Variants in GPBP1L1 observed in about 807,000 individuals in gnomAD.
GPBP1L1 encodes the protein vasculin-like protein 1.
In GPBP1L1, 23 loss-of-function variants were observed where a neutral mutation model predicts 52.5. The ratio of observed to expected loss-of-function variants is 0.44; its 90% CI spans 0.32 to 0.62. GPBP1L1 has a LOEUF of 0.62. Ranked by LOEUF, GPBP1L1 falls within the 20% of genes least tolerant of loss-of-function variation. The pLI, the probability that GPBP1L1 is intolerant of heterozygous loss-of-function variation, is 0.06. For synonymous variants in GPBP1L1, 243 were observed against 203.1 expected (o/e 1.20, Z -1.67); for missense variants, 596 against 579.3 (o/e 1.03, Z -0.30).
chr1:45,653,077 C>A (rs1414850447), intron 6 of GPBP1L1, among the ~76,000 whole-genome samples: 1 of 152,182 alleles, frequency 6.6e-6, no homozygotes, highest in African/African-American at 2.4e-5. Context: ...AGAACACTCA[C>A]CTGGGAATAG....
intron 1 of GPBP1L1, 124 bp from the exon 2 acceptor site, chr1:45,685,744 T>G (rs1383799659): frequency 6.6e-6 from 1 of 152,200 alleles, no homozygotes; most frequent in African/African-American, 2.4e-5. Context: ...CTACAGCCAT[T>G]TTGGATTCAG....
chr1:45,629,561 A>T lies in GPBP1L1; in HGVS notation c.1272+15T>A. ...GGTTACTAACTGGTCTCTAGGAAGA[A>T]GGTTTACAACATACCTGCTCTGTCT... On this transcript the variant is annotated intron_variant, in intron 12 of 12. Transcript: ENST00000355105. 13 of 1,516,878 alleles carry T rather than the reference A, an allele frequency of 8.6e-6. No homozygotes were observed. Among genetic ancestry groups the T allele is most frequent in the Non-Finnish European group, 1.2e-5 (13 of 1,094,066 alleles). The allele number at this position is 1,516,878 out of a possible 1,614,324, so 94.0% of individuals were successfully genotyped here. A position where few individuals can be genotyped will look rare whatever the true frequency, so the allele number is the denominator to read the frequency against.
At chr1:45,646,446 TTCAAG>T (rs1644746761) in intron 6 of GPBP1L1, among the ~76,000 whole-genome samples, 1 of 152,242 alleles carries the variant, frequency 6.6e-6, no homozygotes, top group South Asian at 2.1e-4. Context: ...TCTTTTTTTG[TTCAAG>T]TCTAGTATTT....
At chr1:45,654,487 A>C (rs962156257) in intron 6 of GPBP1L1, 56 bp downstream of exon 6, 1 of 1,453,350 alleles carries the variant, frequency 6.9e-7, no homozygotes, top group Non-Finnish European at 9.4e-7. Context: ...ACAGGGTCTC[A>C]TATTTCAGAC....
intron 8 of GPBP1L1, among the ~76,000 whole-genome samples, chr1:45,638,316 G>A (rs1048392686): frequency 6.6e-6 from 1 of 152,070 alleles, no homozygotes; most frequent in Admixed American, 6.5e-5. Context: ...AGGTTAAAAG[G>A]TGCCACTACC....
chr1:45,652,409 C>T (rs1644829334), intron 6 of GPBP1L1, among the ~76,000 whole-genome samples: 1 of 152,134 alleles, frequency 6.6e-6, no homozygotes, highest in South Asian at 2.1e-4. Flanking sequence ...AGTTTCTAAT[C>T]AAACTATGCT....
At chr1:45,665,604 G>A (rs1015182944) in intron 2 of GPBP1L1, among the ~76,000 whole-genome samples, 6 of 151,776 alleles carry the variant, frequency 4.0e-5, no homozygotes, top group Admixed American at 2.0e-4. Context: ...AGCCGGGTGT[G>A]GTGGTGCATG....
chr1:45,631,089 T>TA (rs57585739), intron 10 of GPBP1L1, among the ~76,000 whole-genome samples: 147 of 143,406 alleles, frequency 1.0e-3, no homozygotes, highest in African/African-American at 1.8e-3. Context: ...ACAGCCACAC[T>TA]AAAAAAAAAA....
intron 11 of GPBP1L1, 106 bp from the exon 12 acceptor site, chr1:45,629,784 T>C: frequency 2.2e-5 from 16 of 727,136 alleles, no homozygotes; most frequent in Non-Finnish European, 1.2e-5. Context: ...GCAATGGATG[T>C]TAAAGAAGGA....
intron 2 of GPBP1L1, among the ~76,000 whole-genome samples, chr1:45,673,216 G>A (rs953244986): frequency 1.1e-4 from 17 of 152,164 alleles, no homozygotes; most frequent in Admixed American, 8.5e-4. Context: ...GGGTACTAAT[G>A]CAATGAGAGC....
At chr1:45,671,060 C>G (rs1188380688) in intron 2 of GPBP1L1, among the ~76,000 whole-genome samples, 1 of 152,090 alleles carries the variant, frequency 6.6e-6, no homozygotes, top group African/African-American at 2.4e-5. Flanking sequence ...TCCCAAAGTG[C>G]TGGGATTACA....
At chr1:45,652,575 T>A (rs183709303) in intron 6 of GPBP1L1, among the ~76,000 whole-genome samples, 2 of 152,318 alleles carry the variant, frequency 1.3e-5, no homozygotes, top group Admixed American at 1.3e-4. Context: ...ATATGCACAG[T>A]TGGCTATGGT....
At chr1:45,671,030 G>C (rs1307868210) in intron 2 of GPBP1L1, among the ~76,000 whole-genome samples, 1 of 151,842 alleles carries the variant, frequency 6.6e-6, no homozygotes, top group Admixed American at 6.6e-5. Context: ...CTGACCTCAA[G>C]TGATCCGCCC....
At chr1:45,681,599 G>GGT (rs1645212953) in intron 2 of GPBP1L1, among the ~76,000 whole-genome samples, 1 of 152,066 alleles carries the variant, frequency 6.6e-6, no homozygotes, top group Non-Finnish European at 1.5e-5. Context: ...TCACTGGATT[G>GGT]GTGTGTTAAA....
chr1:45,654,915 G>A (rs988796573), intron 5 of GPBP1L1, 86 bp from the exon 6 acceptor site: 12 of 1,310,024 alleles, frequency 9.2e-6, no homozygotes, highest in African/African-American at 9.0e-5. Flanking sequence ...AGGAGACCTC[G>A]TTAATAAAAA....
chr1:45,665,101 C>T (rs1468955128), intron 2 of GPBP1L1, among the ~76,000 whole-genome samples: 1 of 151,896 alleles, frequency 6.6e-6, no homozygotes, highest in Non-Finnish European at 1.5e-5. Flanking sequence ...CCAGCCTGGC[C>T]AATATGGTGA....
chr1:45,628,472 G>C, intron 12 of GPBP1L1, 64 bp from the exon 13 acceptor site: 1 of 1,517,260 alleles, frequency 6.6e-7, no homozygotes, highest in Non-Finnish European at 8.9e-7. Flanking sequence ...TGACCCATAA[G>C]CCCTGGGAAA....
intron 2 of GPBP1L1, among the ~76,000 whole-genome samples, chr1:45,668,544 G>C (rs6429575): frequency 0.29 from 43,527 of 151,976 alleles, 6,372 homozygotes; most frequent in South Asian, 0.37. Context: ...ATCCTAGCTA[G>C]TTGGGCTGTT....
intron 2 of GPBP1L1, among the ~76,000 whole-genome samples, chr1:45,671,458 G>C (rs913220868): frequency 2.0e-5 from 3 of 150,086 alleles, no homozygotes; most frequent in African/African-American, 4.9e-5. Flanking sequence ...GATCCACCTG[G>C]GCCTCCCAAA....
Sources: gnomAD v4.1 joint callset for allele counts (sites outside exome capture counted in the v4.1 genomes callset) on GRCh38, gnomAD v4.1.1 for gene constraint, MANE v1.5 for transcripts, NCBI Gene and HGNC (gene_info 2026-07-23, HGNC 2026-07-21) for gene names.